Variants in LIN28B observed in about 807,000 individuals in gnomAD.
LIN28B encodes the protein protein lin-28 homolog B.
Under a neutral mutation model 21.9 loss-of-function variants are expected in LIN28B, and 5 were observed. The ratio of observed to expected loss-of-function variants is 0.23; its 90% CI spans 0.12 to 0.48. The LOEUF (loss-of-function observed/expected upper bound fraction) is 0.48. Among genes scored for constraint, LIN28B ranks in the 20% least tolerant of loss-of-function variants. LIN28B has a pLI of 0.98. For synonymous variants in LIN28B, 109 were observed against 111.3 expected, an observed-to-expected ratio of 0.98 and a Z score of 0.13; for missense variants, 245 against 310.5, an observed-to-expected ratio of 0.79 and a Z score of 1.58.
chr6:105,071,645 A>G (rs1294392273), intron 3 of LIN28B, among the ~76,000 whole-genome samples: 2 of 152,168 alleles, frequency 1.3e-5, no homozygotes, highest in African/African-American at 4.8e-5. Context: ...ATGCTGTCAA[A>G]TTGTCCTCCA....
intron 2 of LIN28B, among the ~76,000 whole-genome samples, chr6:104,960,118 C>T (rs1260361879): frequency 6.6e-6 from 1 of 151,978 alleles, no homozygotes; most frequent in African/African-American, 2.4e-5. Context: ...AAATAGTTGA[C>T]TTAATATTCA....
At chr6:105,018,710 T>A (rs1167331523) in intron 2 of LIN28B, among the ~76,000 whole-genome samples, 1 of 152,152 alleles carries the variant, frequency 6.6e-6, no homozygotes, top group Non-Finnish European at 1.5e-5. Flanking sequence ...ATGTATTTGC[T>A]TCCTTCCTTT....
intron 3 of LIN28B, among the ~76,000 whole-genome samples, chr6:105,050,534 G>A (rs1440466227): frequency 7.1e-6 from 1 of 141,652 alleles, no homozygotes; most frequent in African/African-American, 2.6e-5. Flanking sequence ...CCCGGGAAGC[G>A]GAGCTTGCAG....
chr6:105,049,995 A>G (rs1483993909), intron 3 of LIN28B, among the ~76,000 whole-genome samples: 4 of 152,128 alleles, frequency 2.6e-5, no homozygotes, highest in Non-Finnish European at 4.4e-5. Flanking sequence ...CATTTAGCCC[A>G]TTTACATTTA....
chr6:104,985,542 G>A (rs749866241), intron 2 of LIN28B, among the ~76,000 whole-genome samples: 1 of 152,004 alleles, frequency 6.6e-6, no homozygotes, highest in African/African-American at 2.4e-5. Context: ...TATTTGTTCA[G>A]CAAATATCTT....
intron 3 of LIN28B, among the ~76,000 whole-genome samples, chr6:105,065,224 G>C (rs1379086597): frequency 1.3e-5 from 2 of 152,128 alleles, no homozygotes; most frequent in African/African-American, 4.8e-5. Flanking sequence ...TCAGGCTTTA[G>C]TCATAAAAAG....
At chr6:104,948,188 G>T (rs1778180114) in intron 2 of LIN28B, among the ~76,000 whole-genome samples, 1 of 152,118 alleles carries the variant, frequency 6.6e-6, no homozygotes. Context: ...TAAATACAAG[G>T]CCTGGCACGG....
At position 105,007,925 on chromosome 6, in the gene LIN28B, G is replaced by A. The variant is rs192195695; in HGVS notation, c.199-18373G>A. On this transcript the variant is annotated intron_variant, in intron 2 of 3. Coordinates refer to ENST00000345080, the MANE Select transcript of LIN28B (RefSeq NM_001004317.4). Reference sequence around the variant, plus strand: ...CTTGCAAAGTGTTGGTATTACAGGCGTGAGCCACCACGCCCAGCCCCCTTT... The same window carrying A: ...CTTGCAAAGTGTTGGTATTACAGGCATGAGCCACCACGCCCAGCCCCCTTT... Among the ~76,000 whole-genome samples, 108 of 152,232 alleles carry A rather than the reference G, an allele frequency of 7.1e-4. 1 individual carries two copies. The highest frequency in any genetic ancestry group is 2.5e-3 in the African/African-American group (104 of 41,544).
chr6:104,970,219 G>C (rs757871889), intron 2 of LIN28B, among the ~76,000 whole-genome samples: 1 of 152,012 alleles, frequency 6.6e-6, no homozygotes, highest in Non-Finnish European at 1.5e-5. Context: ...TGCAGTCTTC[G>C]CATTTTTGAT....
chr6:104,943,084 CTT>C (rs1349823657), intron 2 of LIN28B, among the ~76,000 whole-genome samples: 1 of 152,092 alleles, frequency 6.6e-6, no homozygotes, highest in Non-Finnish European at 1.5e-5. Context: ...GTATGTCAAT[CTT>C]ATACTTTGTA....
chr6:105,026,579 A>G (rs1320736115), intron 3 of LIN28B, 97 bp downstream of exon 3: 4 of 754,578 alleles, frequency 5.3e-6, no homozygotes, highest in Non-Finnish European at 8.8e-6. Flanking sequence ...TGTCTAGCCA[A>G]AGGAAACCAC....
At chr6:104,966,892 A>G (rs1769871585) in intron 2 of LIN28B, among the ~76,000 whole-genome samples, 5 of 152,042 alleles carry the variant, frequency 3.3e-5, no homozygotes, top group Admixed American at 3.3e-4. Context: ...AAGTGCTGGG[A>G]TTACAGGCGT....
intron 3 of LIN28B, among the ~76,000 whole-genome samples, chr6:105,031,377 T>A (rs1297776978): frequency 6.6e-6 from 1 of 152,052 alleles, no homozygotes; most frequent in East Asian, 1.9e-4. Flanking sequence ...ATGTTTAAAA[T>A]AATGATATTA....
chr6:104,990,839 A>C (rs1240972921), intron 2 of LIN28B, among the ~76,000 whole-genome samples: 2 of 152,190 alleles, frequency 1.3e-5, no homozygotes. Flanking sequence ...TTTAACCCTG[A>C]GTGGACACAG....
chr6:105,017,877 C>T (rs1356230401), intron 2 of LIN28B, among the ~76,000 whole-genome samples: 1 of 151,866 alleles, frequency 6.6e-6, no homozygotes, highest in African/African-American at 2.4e-5. Flanking sequence ...GCACAGGTAC[C>T]CCCTAAATCT....
At chr6:104,972,232 A>C (rs1452095698) in intron 2 of LIN28B, among the ~76,000 whole-genome samples, 2 of 152,334 alleles carry the variant, frequency 1.3e-5, no homozygotes, top group Non-Finnish European at 2.9e-5. Context: ...TTGGCCTCCC[A>C]AAGTGCTGGG....
intron 3 of LIN28B, among the ~76,000 whole-genome samples, chr6:105,056,949 G>T (rs1016720288): frequency 6.6e-6 from 1 of 152,008 alleles, no homozygotes; most frequent in Non-Finnish European, 1.5e-5. Flanking sequence ...ACTACTTATT[G>T]TCCTATCCAG....
At position 104,947,217 on chromosome 6, in the gene LIN28B, C is replaced by T. The variant is rs956250012; in HGVS notation, c.19-3244C>T. ...TTGGCTCACTGCAACCCTTGTCTCC[C>T]GGGTTCAGGCAGTTCTCCTGCTTCA... On this transcript the variant is annotated intron_variant, in intron 2 of 5. Transcript: ENST00000635857. Among the ~76,000 whole-genome samples, 15 of 152,134 alleles carry T rather than the reference C, an allele frequency of 9.9e-5. No individual in the cohort carries two copies. In the South Asian group the frequency reaches 2.7e-3, roughly 27 times the overall value.
chr6:104,951,479 G>C (rs949622259), intron 3 of LIN28B, among the ~76,000 whole-genome samples: 4 of 152,050 alleles, frequency 2.6e-5, no homozygotes, highest in Non-Finnish European at 4.4e-5. Context: ...TGGTACAAAT[G>C]TTTTAGTATA....
Sources: allele counts gnomAD v4.1 joint callset (sites outside exome capture counted in the v4.1 genomes callset), GRCh38; gene constraint gnomAD v4.1.1; transcripts MANE v1.5; gene names NCBI Gene and HGNC (gene_info 2026-07-23, HGNC 2026-07-21).